The following RNF217 variants were observed in gnomAD, a reference collection of about 807,000 sequenced individuals.
RNF217 encodes the protein ring finger protein 217, also known as E3 ubiquitin-protein ligase RNF217.
Under a neutral mutation model 57.8 loss-of-function variants are expected in RNF217, and 31 were observed. The observed-to-expected ratio is 0.54, with a 90% CI of 0.40 to 0.72. RNF217 has a LOEUF of 0.72. RNF217 is among the 30% of genes least tolerant of loss of function. RNF217 has a pLI of 0.00. For missense variants in RNF217, 696 were observed against 708.3 expected (o/e 0.98, Z 0.20); for synonymous variants, 313 against 294.0 (o/e 1.06, Z -0.66).
rs1259663862 is a variant in RNF217 at position 125,084,238 on chromosome 6, T to C, written c.*1301T>C. The C allele has an allele frequency of 6.6e-6, 1 of 151,944 alleles. No individual in the cohort carries two copies. Among genetic ancestry groups the C allele is most frequent in the African/African-American group, 2.4e-5 (1 of 41,412 alleles). 9.4% of individuals were successfully genotyped at this position (151,944 alleles called of 1,614,324 possible). ...GGAGGAGTTTGAAAACTTTTTATGT[T>C]CTTGAGTTTGTCCAATATCAGCTGC... On this transcript the variant is annotated 3_prime_UTR_variant, in exon 6 of 6. Transcript: ENST00000521654.
chr6:125,076,221 A>C (rs1788362746), intron 3 of RNF217, among the ~76,000 whole-genome samples: 1 of 152,192 alleles, frequency 6.6e-6, no homozygotes, highest in South Asian at 2.1e-4. Flanking sequence ...TTTATTCACA[A>C]AAACTTTTAT....
chr6:125,063,576 T>A (rs991131002), intron 3 of RNF217, among the ~76,000 whole-genome samples: 2 of 152,120 alleles, frequency 1.3e-5, no homozygotes, highest in East Asian at 3.9e-4. Flanking sequence ...TATTGTCTCA[T>A]CCAAACTTCA....
At chr6:125,082,807 A>G in intron 5 of RNF217, 57 bp from the exon 6 acceptor site, 1 of 1,334,840 alleles carries the variant, frequency 7.5e-7, no homozygotes, top group Non-Finnish European at 1.1e-6. Flanking sequence ...ACATTTTAAA[A>G]TAGGAAAACC....
At chr6:125,074,152 A>C (rs1001866042) in intron 3 of RNF217, among the ~76,000 whole-genome samples, 3 of 152,126 alleles carry the variant, frequency 2.0e-5, no homozygotes, top group South Asian at 2.1e-4. Context: ...CCAATTGACA[A>C]ACTTTTCTTT....
At chr6:125,006,765 A>C (rs1253401186) in intron 1 of RNF217, among the ~76,000 whole-genome samples, 1 of 152,162 alleles carries the variant, frequency 6.6e-6, no homozygotes, top group Non-Finnish European at 1.5e-5. Flanking sequence ...CCTGGCCAAC[A>C]TGGTGAAACC....
At chr6:125,069,265 T>A (rs1788048034) in intron 3 of RNF217, among the ~76,000 whole-genome samples, 2 of 152,164 alleles carry the variant, frequency 1.3e-5, no homozygotes, top group African/African-American at 2.4e-5. Context: ...CACCAAATAA[T>A]TTTGAAATCA....
At chr6:124,992,590 T>C (rs1445592316) in intron 1 of RNF217, among the ~76,000 whole-genome samples, 2 of 151,960 alleles carry the variant, frequency 1.3e-5, no homozygotes, top group Non-Finnish European at 2.9e-5. Context: ...GAGGGGAGGT[T>C]TTTCTTGTTG....
chr6:125,076,526 C>T, intron 3 of RNF217, 131 bp from the exon 4 acceptor site: 2 of 628,632 alleles, frequency 3.2e-6, no homozygotes, highest in South Asian at 1.9e-5. Flanking sequence ...AGCAAATTCA[C>T]AGCCTCAGGA....
chr6:125,072,322 A>G (rs965709593), intron 3 of RNF217, among the ~76,000 whole-genome samples: 1 of 152,180 alleles, frequency 6.6e-6, no homozygotes, highest in Non-Finnish European at 1.5e-5. Context: ...ATGATGAAAC[A>G]ATTTTTTCCG....
chr6:125,036,235 G>A (rs1043778318), intron 1 of RNF217, among the ~76,000 whole-genome samples: 5 of 152,062 alleles, frequency 3.3e-5, no homozygotes, highest in African/African-American at 1.2e-4. Context: ...CTTCATCCAT[G>A]TCCCTGCAAA....
intron 1 of RNF217, among the ~76,000 whole-genome samples, chr6:125,014,360 G>T (rs1482923316): frequency 6.6e-6 from 1 of 152,042 alleles, no homozygotes; most frequent in Non-Finnish European, 1.5e-5. Flanking sequence ...CCACAGCCTC[G>T]GTACAATTCT....
At position 125,018,362 on chromosome 6, in the gene RNF217, C is replaced by T. The variant is rs148255373; in HGVS notation, c.883-26849C>T. 4.6e-3 allele frequency among the ~76,000 whole-genome samples: 704 copies of T among 152,252 alleles called. 9 individuals are homozygous for T. Among genetic ancestry groups the T allele is most frequent in the African/African-American group, 0.016 (681 of 41,550 alleles). ...AAAACAGAATTATTTCTAGTATTTT[C>T]TTCAGAATTTGGCTTTAGTTTTGCA... On this transcript the variant is annotated intron_variant, in intron 1 of 5. Transcript: ENST00000521654.
chr6:125,045,534 C>G, intron 2 of RNF217, 90 bp downstream of exon 2: 1 of 894,402 alleles, frequency 1.1e-6, no homozygotes, highest in African/African-American at 1.7e-5. Context: ...AAGGGGGCAT[C>G]TTTCCTTTAT....
chr6:125,020,920 AT>A (rs1294717226), intron 1 of RNF217, among the ~76,000 whole-genome samples: 1 of 152,018 alleles, frequency 6.6e-6, no homozygotes, highest in Non-Finnish European at 1.5e-5. Flanking sequence ...GGGTTTTTGT[AT>A]TTTTTCATTT....
intron 3 of RNF217, among the ~76,000 whole-genome samples, chr6:125,076,444 C>T (rs937252503): frequency 1.3e-5 from 2 of 152,012 alleles, no homozygotes; most frequent in African/African-American, 4.8e-5. Context: ...AGCTTGAGTA[C>T]CTGAAATATT....
intron 1 of RNF217, among the ~76,000 whole-genome samples, chr6:124,972,438 G>C (rs1783798445): frequency 1.3e-5 from 2 of 152,024 alleles, no homozygotes; most frequent in Admixed American, 1.3e-4. Flanking sequence ...TAAAATGCTG[G>C]ACCAGTCTTG....
chr6:125,068,699 G>A (rs1389066342), intron 3 of RNF217, among the ~76,000 whole-genome samples: 1 of 152,174 alleles, frequency 6.6e-6, no homozygotes, highest in East Asian at 1.9e-4. Flanking sequence ...AGCCCTGTCA[G>A]ATTTTATCAA....
chr6:125,070,257 G>GA (rs1294516922), intron 3 of RNF217, among the ~76,000 whole-genome samples: 1 of 152,150 alleles, frequency 6.6e-6, no homozygotes, highest in Non-Finnish European at 1.5e-5. Context: ...CTCATTGATT[G>GA]TTGGGTACTT....
In RNF217 at chr6:125,092,139, GA is replaced by G. The variant is rs1334976027; in HGVS notation, c.*9203del. On this transcript the variant is annotated 3_prime_UTR_variant, in exon 6 of 6. Coordinates refer to ENST00000521654, the MANE Select transcript of RNF217 (RefSeq NM_001286398.3). ...GCTGGACAGGACCTGAAAATTAAGA[GA>G]TTTTTTTTTTTAAGCAGTGAAATTT... is the stretch of plus-strand genomic sequence containing the variant. 160 of 151,912 alleles carry G rather than the reference GA, an allele frequency of 1.1e-3. 1 individual carries two copies. Among genetic ancestry groups the G allele is most frequent in the African/African-American group, 3.8e-3 (156 of 41,450 alleles). The allele number at this position is 151,912 out of a possible 1,614,324, so 9.4% of individuals were successfully genotyped here. A position where few individuals can be genotyped will look rare whatever the true frequency, so the allele number is the denominator to read the frequency against.
Sources: gnomAD v4.1 joint callset for allele counts (sites outside exome capture counted in the v4.1 genomes callset) on GRCh38, gnomAD v4.1.1 for gene constraint, MANE v1.5 for transcripts, NCBI Gene and HGNC (gene_info 2026-07-23, HGNC 2026-07-21) for gene names.